NAA35: variants seen among roughly 807,000 people sequenced by gnomAD.
NAA35 encodes the protein MAK10 homolog, amino-acid N-acetyltransferase subunit.
A neutral mutation model predicts 101.7 loss-of-function variants in NAA35; 18 were observed. The ratio of observed to expected loss-of-function variants is 0.18; its 90% CI spans 0.12 to 0.26. The LOEUF is 0.26. Among genes scored for constraint, NAA35 ranks in the 10% least tolerant of loss-of-function variants. The pLI, the probability that NAA35 is intolerant of heterozygous loss-of-function variation, is 1.00. For synonymous variants in NAA35, 267 were observed against 273.1 expected (o/e 0.98, Z 0.22); for missense variants, 601 against 886.8 (o/e 0.68, Z 4.09).
intron 6 of NAA35, among the ~76,000 whole-genome samples, chr9:85,971,939 C>T (rs1429609054): frequency 6.6e-6 from 1 of 151,696 alleles, no homozygotes; most frequent in Non-Finnish European, 1.5e-5. Flanking sequence ...AGTCCAATGT[C>T]TGATCTCCCT....
At chr9:85,948,240 T>C (rs1055625167) in intron 2 of NAA35, among the ~76,000 whole-genome samples, 2 of 152,182 alleles carry the variant, frequency 1.3e-5, no homozygotes, top group Admixed American at 6.5e-5. Flanking sequence ...CATTACTACT[T>C]TTTCTTTCCT....
chr9:85,948,865 C>G (rs1477916654), intron 2 of NAA35, among the ~76,000 whole-genome samples: 1 of 152,110 alleles, frequency 6.6e-6, no homozygotes, highest in Non-Finnish European at 1.5e-5. Context: ...TCAGGCGATT[C>G]TCCTGCCTCA....
intron 11 of NAA35, among the ~76,000 whole-genome samples, chr9:85,994,062 A>C (rs1232123755): frequency 6.6e-6 from 1 of 151,940 alleles, no homozygotes; most frequent in East Asian, 1.9e-4. Flanking sequence ...GTATGATATT[A>C]CATCCTAGGT....
chr9:85,962,532 G>A (rs999082189), intron 6 of NAA35, among the ~76,000 whole-genome samples: 2 of 148,954 alleles, frequency 1.3e-5, no homozygotes, highest in Non-Finnish European at 3.0e-5. Context: ...AATTTCTGAA[G>A]TTCATTGACT....
At position 85,998,584 on chromosome 9, in the gene NAA35, T is replaced by C. The variant is rs979437775; in HGVS notation, c.1056+2007T>C. Among the ~76,000 whole-genome samples the C allele has an allele frequency of 5.3e-5, 8 of 152,192 alleles. No homozygotes were observed. The South Asian group carries it at 6.2e-4, about 12-fold the overall frequency. On this transcript the variant is annotated intron_variant, in intron 12 of 22. Transcript: ENST00000361671. Reference sequence around the variant, plus strand: ...TTAATATTTTTTATGGGTTAAAATATAGAAAAACAAGGCTCATTTTAAGAA... The same window carrying C: ...TTAATATTTTTTATGGGTTAAAATACAGAAAAACAAGGCTCATTTTAAGAA...
chr9:85,941,481 C>T (rs1308717593), intron 1 of NAA35: 2 of 985,448 alleles, frequency 2.0e-6, no homozygotes, highest in Non-Finnish European at 2.4e-6. Context: ...AGGCGACGAC[C>T]CGGCGCCGGA....
At chr9:85,968,587 T>C (rs1018745977) in intron 6 of NAA35, among the ~76,000 whole-genome samples, 92 of 152,192 alleles carry the variant, frequency 6.0e-4, no homozygotes, top group African/African-American at 2.1e-3. Flanking sequence ...TTGTATGTAG[T>C]TTAAAAAGTT....
At chr9:85,985,017 A>G (rs770834872) in intron 11 of NAA35, among the ~76,000 whole-genome samples, 1 of 152,264 alleles carries the variant, frequency 6.6e-6, no homozygotes, top group Non-Finnish European at 1.5e-5. Flanking sequence ...ATTTCTCCAG[A>G]TAAGATTTGC....
At chr9:86,007,270 A>G (rs755499190) in intron 13 of NAA35, 88 bp from the exon 14 acceptor site, 1 of 890,710 alleles carries the variant, frequency 1.1e-6, no homozygotes, top group Non-Finnish European at 1.8e-6. Context: ...TCACTTGCGT[A>G]GTCTGTGGCA....
At chr9:85,963,371 A>G (rs7859568) in intron 6 of NAA35, among the ~76,000 whole-genome samples, 7,834 of 149,218 alleles carry the variant, frequency 0.053, 677 homozygotes, top group African/African-American at 0.18. Context: ...CCCGGGTTCA[A>G]GCTATTCTTG....
At chr9:85,955,344 ATATATATATATATATATTTTT>A (rs1420712923) in intron 2 of NAA35, among the ~76,000 whole-genome samples, 1 of 67,350 alleles carries the variant, frequency 1.5e-5, no homozygotes, top group African/African-American at 7.9e-5. Context: ...ATATATATAT[ATATATATATATATATATTTTT>A]TTTTTTTTTT....
intron 22 of NAA35, 63 bp from the exon 23 acceptor site, chr9:86,021,838 T>A: frequency 8.2e-6 from 10 of 1,219,196 alleles, no homozygotes; most frequent in Non-Finnish European, 1.1e-5. Flanking sequence ...AAAATAGTCT[T>A]TGTTTTGTGT....
chr9:86,000,156 T>G (rs937978134), intron 12 of NAA35, among the ~76,000 whole-genome samples: 19 of 152,124 alleles, frequency 1.2e-4, no homozygotes, highest in African/African-American at 4.6e-4. Flanking sequence ...GAGATAATCA[T>G]GTGATTTTTG....
intron 17 of NAA35, 32 bp from the exon 18 acceptor site, chr9:86,016,507 C>T: frequency 6.3e-7 from 1 of 1,597,352 alleles, no homozygotes; most frequent in Non-Finnish European, 8.5e-7. Context: ...ATTTAGACAT[C>T]TACCATTAAC....
intron 17 of NAA35, chr9:86,014,473 TAGAA>T (rs1480664794): frequency 2.9e-5 from 12 of 409,764 alleles, no homozygotes; most frequent in East Asian, 1.6e-4. Flanking sequence ...AAAGCTGTCA[TAGAA>T]AGAAAATAAG....
chr9:86,018,236 T>C lies in NAA35; in HGVS notation c.1774-19T>C. 6.3e-7 allele frequency: 1 copy of C among 1,598,152 alleles called. No homozygotes were observed. Among genetic ancestry groups the C allele is most frequent in the Non-Finnish European group, 8.6e-7 (1 of 1,168,470 alleles). Reference sequence around the variant, plus strand: ...TTCATATTGATTTCATCTTTTTTCTTATTCCCTTTTTCATTTAGACCATGG... The same window carrying C: ...TTCATATTGATTTCATCTTTTTTCTCATTCCCTTTTTCATTTAGACCATGG... On this transcript the variant is annotated intron_variant, in intron 19 of 22. Coordinates refer to ENST00000361671, the MANE Select transcript of NAA35 (RefSeq NM_024635.4).
At chr9:85,979,098 G>T (rs1219610165) in intron 11 of NAA35, among the ~76,000 whole-genome samples, 2 of 152,174 alleles carry the variant, frequency 1.3e-5, no homozygotes, top group East Asian at 1.9e-4. Context: ...GTGCTGTAAA[G>T]AAATAGCACT....
At chr9:86,010,792 T>C (rs1399077824) in intron 15 of NAA35, among the ~76,000 whole-genome samples, 11 of 150,800 alleles carry the variant, frequency 7.3e-5, no homozygotes, top group Non-Finnish European at 1.6e-4. Flanking sequence ...TTAGCTAGGA[T>C]GGTCTCGATC....
rs1832665638 is a variant in NAA35, at chr9:86,023,635, A to G, written c.*1675A>G. Among the ~76,000 whole-genome samples, 1 of 152,236 alleles carries G rather than the reference A, an allele frequency of 6.6e-6. No homozygotes were observed. The highest frequency in any genetic ancestry group is 6.5e-5 in the Admixed American group (1 of 15,284). ...AAGGGCCCTGCTAGATGATGGGATC[A>G]CTTTTAATTAAGAGGGTGTGCTGGC... On this transcript the variant is annotated 3_prime_UTR_variant, in exon 23 of 23. Transcript: ENST00000361671.
Sources: allele counts gnomAD v4.1 joint callset (sites outside exome capture counted in the v4.1 genomes callset), GRCh38; gene constraint gnomAD v4.1.1; transcripts MANE v1.5; gene names NCBI Gene and HGNC (gene_info 2026-07-23, HGNC 2026-07-21).